MMEL1: variants seen among roughly 807,000 people sequenced by gnomAD.
The protein encoded by MMEL1 is membrane metalloendopeptidase like 1, also known as membrane metallo-endopeptidase-like 1.
Under a neutral mutation model 117.1 loss-of-function variants are expected in MMEL1, and 98 were observed. That is an observed-to-expected ratio of 0.84 (90% CI 0.71 to 0.99). MMEL1 has a LOEUF of 0.99. Among genes scored for constraint, MMEL1 ranks in the 50% least tolerant of loss-of-function variants. The pLI is 0.00. For missense variants in MMEL1, 1,014 were observed against 1,049.1 expected (o/e 0.97, Z 0.46); for synonymous variants, 390 against 415.1 (o/e 0.94, Z 0.74).
chr1:2,604,319 A>AGCCACCATGGCCCCC, intron 9 of MMEL1, 38 bp from the exon 10 acceptor site: 6 of 1,606,090 alleles, frequency 3.7e-6, no homozygotes, highest in Non-Finnish European at 5.1e-6. Context: ...GGGTGGCCTC[A>AGCCACCATGGCCCCC]GCCACCATGG....
Position 2,612,879 on chromosome 1 carries a change from G to A in MMEL1, c.155-675C>T, listed in dbSNP as rs1252541340. On this transcript the variant is annotated intron_variant, in intron 2 of 23. Transcript: ENST00000378412. The surrounding 1 kb of genome is among the most constrained non-coding windows in gnomAD (Gnocchi z 5.4). ...CCAGAGAGGTGACAAGCCAGGCCTG[G>A]CTACCTTCAGACCTGGCTTGTGGCC... 1.3e-5 allele frequency among the ~76,000 whole-genome samples: 2 copies of A among 152,154 alleles called. No homozygotes were observed. The highest frequency in any genetic ancestry group is 2.4e-5 in the African/African-American group (1 of 41,428).
Position 2,590,770 on chromosome 1 carries a change from T to C in MMEL1, c.*220A>G. 2 of 405,492 alleles carry C rather than the reference T, an allele frequency of 4.9e-6. No individual in the cohort carries two copies. The highest frequency in any genetic ancestry group is 3.6e-5 in the East Asian group (1 of 28,092). The allele number at this position is 405,492 out of a possible 1,614,324, so 25.1% of individuals were successfully genotyped here. ...ACGGGGGCACTGAGCCCCGCGGGTG[T>C]CTGTGGAGGGGGCTCCGGTCCAGGT... On this transcript the variant is annotated 3_prime_UTR_variant, in exon 24 of 24. Transcript: ENST00000378412.
In MMEL1 at chr1:2,594,452, G is replaced by C; in HGVS notation, c.1689-9C>G. ...CCGCCCCGATGATCCAGCTGTGATA[G>C]ACAAGCCGGTCTCTGGGAGCCGCCT... On this transcript the variant is annotated splice_polypyrimidine_tract_variant and intron_variant, in intron 17 of 23. Coordinates refer to ENST00000378412, the MANE Select transcript of MMEL1 (RefSeq NM_033467.4). The C allele has an allele frequency of 6.4e-7, 1 of 1,550,992 alleles. No individual in the cohort carries two copies. Among genetic ancestry groups the C allele is most frequent in the Non-Finnish European group, 8.7e-7 (1 of 1,146,902 alleles).
chr1:2,595,254 A>AG lies in MMEL1; in HGVS notation c.1584+21dup. ...ATGTCCACGGTGTGGGGGGCAGTTTAGGGCTGGGGTTGGGGGCGCACATTG... is the reference window on the plus strand; with the variant it reads ...ATGTCCACGGTGTGGGGGGCAGTTTAGGGGCTGGGGTTGGGGGCGCACATTG... On this transcript the variant is annotated intron_variant, in intron 16 of 23. Coordinates refer to ENST00000378412, the MANE Select transcript of MMEL1 (RefSeq NM_033467.4). The surrounding 1 kb of genome is among the most constrained non-coding windows in gnomAD (Gnocchi z 4.8). 1 of 1,607,952 alleles carries AG rather than the reference A, an allele frequency of 6.2e-7. No homozygotes were observed. Among genetic ancestry groups the AG allele is most frequent in the South Asian group, 1.1e-5 (1 of 90,808 alleles).
intron 2 of MMEL1, among the ~76,000 whole-genome samples, chr1:2,615,615 A>G (rs886723353): frequency 2.0e-5 from 3 of 152,194 alleles, no homozygotes; most frequent in African/African-American, 7.2e-5. Context: ...GTTAATAGTA[A>G]TATTATCACT....
At chr1:2,619,530 C>T (rs906527463) in intron 2 of MMEL1, among the ~76,000 whole-genome samples, 1 of 151,826 alleles carries the variant, frequency 6.6e-6, no homozygotes, top group Non-Finnish European at 1.5e-5. Context: ...TGGTGGCGGA[C>T]ACCTGTAATC....
chr1:2,617,250 A>AC (rs1265323653), intron 2 of MMEL1, among the ~76,000 whole-genome samples: 1 of 151,880 alleles, frequency 6.6e-6, no homozygotes, highest in Non-Finnish European at 1.5e-5. Context: ...ACACGGTGAA[A>AC]CCCCGTCTCT....
rs1007555469 is a variant in MMEL1, at chr1:2,609,504, G to A, written c.455-85C>T. ...GGTCCCTACACCCCCTGAAGTGCTC[G>A]GCGAGAGGCGGCCCCCCAGCTGCTG... On this transcript the variant is annotated intron_variant, in intron 5 of 23. Transcript: ENST00000378412. 33 of 1,512,866 alleles carry A rather than the reference G, an allele frequency of 2.2e-5. No individual in the cohort carries two copies. In the Middle Eastern group the frequency reaches 5.1e-4, roughly 23 times the overall value. The allele number at this position is 1,512,866 out of a possible 1,614,324, so 93.7% of individuals were successfully genotyped here. A position where few individuals can be genotyped will look rare whatever the true frequency, so the allele number is the denominator to read the frequency against.
chr1:2,612,159 T>C lies in MMEL1; in HGVS notation c.200A>G (p.Glu67Gly). The change falls in exon 3 of 24, where the codon GAG becomes GGG. Residue 67 changes from glutamate (E) to glycine (G), a missense_variant. Transcript: ENST00000378412. The surrounding 1 kb of genome is among the most constrained non-coding windows in gnomAD (Gnocchi z 5.4). ...RLASRLCFLQ[E>G]ERTFVKRKPR... ...TTTTCGTTTTACAAAGGTCCTCTCCTCCTGTAAGAAGCACAGCCGGCTAGC... is the reference window on the plus strand; with the variant it reads ...TTTTCGTTTTACAAAGGTCCTCTCCCCCTGTAAGAAGCACAGCCGGCTAGC... The C allele has an allele frequency of 6.3e-7, 1 of 1,582,792 alleles. No individual in the cohort carries two copies. Among genetic ancestry groups the C allele is most frequent in the Non-Finnish European group, 8.6e-7 (1 of 1,163,168 alleles).
intron 6 of MMEL1, among the ~76,000 whole-genome samples, chr1:2,608,653 A>G (rs1453990230): frequency 1.3e-5 from 2 of 152,090 alleles, no homozygotes; most frequent in Non-Finnish European, 2.9e-5. Context: ...ACATATGCAC[A>G]CACAACACAC....
chr1:2,606,244 G>T lies in MMEL1; in HGVS notation c.750+4C>A, dbSNP rs556638773. On this transcript the variant is annotated splice_donor_region_variant and intron_variant, in intron 8 of 23. Coordinates refer to ENST00000378412, the MANE Select transcript of MMEL1 (RefSeq NM_033467.4). ...CTACCCCTGCCCACCGGCGCGGCTC[G>T]TACGTAGATGATGTGCCGGCTGGAG... is the stretch of plus-strand genomic sequence containing the variant. 6.2e-7 allele frequency: 1 copy of T among 1,611,282 alleles called. No homozygotes were observed.
intron 16 of MMEL1, 51 bp from the exon 17 acceptor site, chr1:2,594,944 G>A: frequency 6.7e-7 from 1 of 1,491,402 alleles, no homozygotes; most frequent in Non-Finnish European, 9.3e-7. Context: ...GCCCTCAGAG[G>A]AGCAAGGGGA....
Position 2,609,432 on chromosome 1 carries a change from G to A in MMEL1, c.455-13C>T, listed in dbSNP as rs1482702716. 1 of 1,606,410 alleles carries A rather than the reference G, an allele frequency of 6.2e-7. No homozygotes were observed. The highest frequency in any genetic ancestry group is 8.5e-7 in the Non-Finnish European group (1 of 1,176,648). ...TTCTCCAGCACCGCTGTGGGCACAG[G>A]AAAAGGTTGGACAGAGGCCTGACGA... On this transcript the variant is annotated splice_polypyrimidine_tract_variant and intron_variant, in intron 5 of 23. Transcript: ENST00000378412.
chr1:2,610,863 C>T (rs576567153), intron 4 of MMEL1, among the ~76,000 whole-genome samples: 14 of 152,342 alleles, frequency 9.2e-5, no homozygotes, highest in African/African-American at 3.1e-4. Flanking sequence ...CAGTCCAGAG[C>T]TTCTCCACTA....
intron 1 of MMEL1, 21 bp downstream of exon 1, chr1:2,632,845 C>T: frequency 1.0e-6 from 1 of 985,498 alleles, no homozygotes. Context: ...AGGCCGGGTA[C>T]CTTCCTTCAG....
chr1:2,607,152 CG>C, intron 6 of MMEL1, 83 bp from the exon 7 acceptor site: 1 of 1,268,236 alleles, frequency 7.9e-7, no homozygotes, highest in Non-Finnish European at 1.1e-6. Flanking sequence ...CGCCGTTGGC[CG>C]GCGTCACAGG....
chr1:2,596,914 C>A (rs1374462337), intron 13 of MMEL1, among the ~76,000 whole-genome samples: 1 of 152,094 alleles, frequency 6.6e-6, no homozygotes, highest in Non-Finnish European at 1.5e-5. Flanking sequence ...AGACTGAGAG[C>A]TGGGCCTTTA....
At position 2,611,335 on chromosome 1, in the gene MMEL1, G is replaced by A; in HGVS notation, c.238C>T (p.Pro80Ser). 6.5e-7 allele frequency: 1 copy of A among 1,539,408 alleles called. No individual in the cohort carries two copies. Among genetic ancestry groups the A allele is most frequent in the East Asian group, 2.5e-5 (1 of 40,580 alleles). ...ACCTCGCTCACCTCTTGGGCCTCTG[G>A]GATCCCTGCGGGCAAGGAGCAGCCT... Reference protein sequence around the residue: ...TFVKRKPRGIPEAQEVSEVCT... With the variant: ...TFVKRKPRGISEAQEVSEVCT... The change falls in exon 4 of 24, where the codon CCA becomes TCA. Residue 80 changes from proline (P) to serine (S), a missense_variant. Coordinates refer to ENST00000378412, the MANE Select transcript of MMEL1 (RefSeq NM_033467.4).
chr1:2,629,298 G>C (rs755283582), intron 2 of MMEL1, 33 bp downstream of exon 2: 3 of 1,510,132 alleles, frequency 2.0e-6, no homozygotes, highest in South Asian at 1.2e-5. Flanking sequence ...GAGCGGGCAC[G>C]GGGACAGGCG....
Sources: allele counts gnomAD v4.1 joint callset (sites outside exome capture counted in the v4.1 genomes callset), GRCh38; gene constraint gnomAD v4.1.1; non-coding constraint Gnocchi (gnomAD v3.1); transcripts MANE v1.5; gene names NCBI Gene and HGNC (gene_info 2026-07-23, HGNC 2026-07-21).